The following CKM variants were observed in gnomAD, a reference collection of about 807,000 sequenced individuals.
CKM encodes creatine kinase, M-type.
CKM carries 28 observed loss-of-function variants against 35.4 expected under a neutral mutation model. The observed-to-expected ratio is 0.79, with a 90% CI of 0.59 to 1.08. The LOEUF is 1.08. Among genes scored for constraint, CKM ranks in the 50% least tolerant of loss-of-function variants. The pLI is 0.00. For missense variants in CKM, 484 were observed against 509.8 expected (o/e 0.95, Z 0.49); for synonymous variants, 215 against 204.4 (o/e 1.05, Z -0.44).
intron 1 of CKM, among the ~76,000 whole-genome samples, chr19:45,322,128 G>A (rs911095721): frequency 1.3e-5 from 2 of 152,038 alleles, no homozygotes; most frequent in Non-Finnish European, 2.9e-5. Context: ...ATCCTGGGAT[G>A]GCAGCCCAGA....
chr19:45,311,332 C>T (rs1020368000), intron 5 of CKM, among the ~76,000 whole-genome samples: 43 of 151,800 alleles, frequency 2.8e-4, no homozygotes, highest in Admixed American at 7.2e-4. Context: ...CACCTGGGTT[C>T]AAGCGATTCT....
intron 5 of CKM, among the ~76,000 whole-genome samples, chr19:45,309,998 C>A (rs1430777510): frequency 6.6e-6 from 1 of 151,930 alleles, no homozygotes; most frequent in Non-Finnish European, 1.5e-5. Flanking sequence ...TTCTCTAAAT[C>A]TTTGACTATC....
At chr19:45,307,967 G>A (rs1971070564) in intron 6 of CKM, among the ~76,000 whole-genome samples, 1 of 151,022 alleles carries the variant, frequency 6.6e-6, no homozygotes, top group South Asian at 2.1e-4. Context: ...AGGTTCAAGC[G>A]ATTCTCCTGC....
At position 45,307,586 on chromosome 19, in the gene CKM, A is replaced by C; in HGVS notation, c.842T>G (p.Leu281Arg). Reference sequence around the variant, plus strand: ...AGTGCCCAGGTTGGATGGGCAGGTGAGCACGTAGCCCAGGTGCTGGTTCCA... The same window carrying C: ...AGTGCCCAGGTTGGATGGGCAGGTGCGCACGTAGCCCAGGTGCTGGTTCCA... Reference protein sequence around the residue: ...FMWNQHLGYVLTCPSNLGTGL... With the variant: ...FMWNQHLGYVRTCPSNLGTGL... The change falls in exon 7 of 8, where the codon CTC becomes CGC. Residue 281 changes from leucine to arginine, a missense_variant. Transcript: ENST00000221476. The C allele has an allele frequency of 1.2e-6, 2 of 1,613,988 alleles. No individual in the cohort carries two copies. The highest frequency in any genetic ancestry group is 2.2e-5 in the South Asian group (2 of 91,074).
rs1971111465 is a variant in CKM at position 45,311,737 on chromosome 19, G to A, written c.653+12C>T. ...GGGGAAGAGGAAGCCAGGGGGCGGG[G>A]AGGGGCCTCACCAGATGCCACGGGC... On this transcript the variant is annotated intron_variant, in intron 5 of 7. Coordinates refer to ENST00000221476, the MANE Select transcript of CKM (RefSeq NM_001824.5). 6.4e-7 allele frequency: 1 copy of A among 1,561,024 alleles called. No homozygotes were observed. The highest frequency in any genetic ancestry group is 8.7e-7 in the Non-Finnish European group (1 of 1,155,544).
At position 45,308,233 on chromosome 19, in the gene CKM, G is replaced by A. The variant is rs568200443; in HGVS notation, c.777+176C>T. On this transcript the variant is annotated intron_variant, in intron 6 of 7. Coordinates refer to ENST00000221476, the MANE Select transcript of CKM (RefSeq NM_001824.5). ...GTCCAGGGGCGGGGCCCTGAAAAGC[G>A]GGTGGGGCTAGTTTTGGGGGGCGGG... 1.0e-4 allele frequency among the ~76,000 whole-genome samples: 15 copies of A among 149,374 alleles called. No homozygotes were observed. In the South Asian group the frequency reaches 3.2e-3, roughly 32 times the overall value.
intron 3 of CKM, among the ~76,000 whole-genome samples, chr19:45,317,487 A>G (rs1971169686): frequency 6.6e-6 from 1 of 151,150 alleles, no homozygotes; most frequent in Non-Finnish European, 1.5e-5. Flanking sequence ...GGGTTTCACC[A>G]TGTTGGTCAG....
intron 5 of CKM, among the ~76,000 whole-genome samples, chr19:45,309,768 T>C (rs956924623): frequency 6.7e-6 from 1 of 149,094 alleles, no homozygotes; most frequent in African/African-American, 2.5e-5. Context: ...AGGCGGAGGG[T>C]GAGAGGATCG....
chr19:45,319,341 G>A (rs1043450180), intron 2 of CKM, among the ~76,000 whole-genome samples, 180 bp downstream of exon 2: 3 of 152,166 alleles, frequency 2.0e-5, no homozygotes, highest in African/African-American at 7.2e-5. Flanking sequence ...GTGGTTTGCT[G>A]AGTACCTCGC....
chr19:45,317,600 T>C (rs1306501966), intron 3 of CKM, among the ~76,000 whole-genome samples: 1 of 152,042 alleles, frequency 6.6e-6, no homozygotes, highest in Non-Finnish European at 1.5e-5. Context: ...CTTTTTTTTT[T>C]TTTTAAAGAC....
At chr19:45,309,555 C>CAAAA (rs1157606063) in intron 5 of CKM, among the ~76,000 whole-genome samples, 21 of 74,850 alleles carry the variant, frequency 2.8e-4, no homozygotes, top group Non-Finnish European at 5.5e-4. Context: ...GACCCTGTCT[C>CAAAA]AAAAAAAAAA....
At chr19:45,313,940 C>T (rs1279829649) in intron 4 of CKM, among the ~76,000 whole-genome samples, 1 of 151,992 alleles carries the variant, frequency 6.6e-6, no homozygotes, top group Non-Finnish European at 1.5e-5. Flanking sequence ...ATGGGAGGAT[C>T]ACTTAAGCCC....
chr19:45,319,798 T>A, intron 1 of CKM, 67 bp from the exon 2 acceptor site: 1 of 1,305,510 alleles, frequency 7.7e-7, no homozygotes, highest in Non-Finnish European at 1.1e-6. Flanking sequence ...TCTTCTTCTT[T>A]TTTTTTTTTT....
Position 45,307,546 on chromosome 19 carries a change from G to A in CKM, c.882C>T (p.Gly294=), listed in dbSNP as rs752715405. ...PSNLGTGLRG[G]VHVKLAHLSK... ...TCAGGTGCGCCAGCTTCACATGCAC[G>A]CCTCCACGCAGCCCAGTGCCCAGGT... The change falls in exon 7 of 8, where the codon GGC becomes GGT. Residue 294 remains glycine (G), a synonymous_variant. Coordinates refer to ENST00000221476, the MANE Select transcript of CKM (RefSeq NM_001824.5). 6.2e-7 allele frequency: 1 copy of A among 1,614,088 alleles called. No individual in the cohort carries two copies. Among genetic ancestry groups the A allele is most frequent in the East Asian group, 2.2e-5 (1 of 44,880 alleles).
intron 5 of CKM, among the ~76,000 whole-genome samples, chr19:45,308,789 G>T (rs746440985): frequency 6.6e-6 from 1 of 152,184 alleles, no homozygotes; most frequent in South Asian, 2.1e-4. Context: ...AGATCCTTGG[G>T]ATCTCAGGAT....
chr19:45,320,890 C>CTAT (rs61014137), intron 1 of CKM, among the ~76,000 whole-genome samples: 2,550 of 146,268 alleles, frequency 0.017, 44 homozygotes, highest in East Asian at 0.076. Context: ...CACTTAGCTG[C>CTAT]TATTATTATT....
chr19:45,317,529 T>C (rs111754729), intron 3 of CKM, among the ~76,000 whole-genome samples: 3 of 152,000 alleles, frequency 2.0e-5, no homozygotes, highest in Admixed American at 6.6e-5. Flanking sequence ...TAAGGTGATC[T>C]GCCCGCCTTG....
intron 3 of CKM, among the ~76,000 whole-genome samples, chr19:45,315,849 C>CTTTCTTTTTTTT (rs1971152626): frequency 7.4e-6 from 1 of 135,624 alleles, no homozygotes; most frequent in Non-Finnish European, 1.6e-5. Flanking sequence ...ATTTCTTTTC[C>CTTTCTTTTTTTT]TTTTTTTTCT....
chr19:45,311,965 A>T, intron 4 of CKM, 45 bp from the exon 5 acceptor site: 1 of 1,608,816 alleles, frequency 6.2e-7, no homozygotes, highest in South Asian at 1.1e-5. Context: ...GTCCCACCTC[A>T]ACCAGGGTGT....
Sources: gnomAD v4.1 joint callset for allele counts (sites outside exome capture counted in the v4.1 genomes callset) on GRCh38, gnomAD v4.1.1 for gene constraint, MANE v1.5 for transcripts, NCBI Gene and HGNC (gene_info 2026-07-23, HGNC 2026-07-21) for gene names.